Variants in NTN1 observed in about 807,000 individuals in gnomAD.
The protein encoded by NTN1 is netrin-1.
Under a neutral mutation model 54.2 loss-of-function variants are expected in NTN1, and 11 were observed. The observed-to-expected ratio is 0.20, with a 90% CI of 0.13 to 0.34. The LOEUF (loss-of-function observed/expected upper bound fraction) is 0.34, where lower values mean the gene tolerates loss of function less well. NTN1 is among the 10% of genes least tolerant of loss of function. The pLI is 1.00. For synonymous variants in NTN1, 371 were observed against 382.0 expected (o/e 0.97, Z 0.33); for missense variants, 740 against 893.1 (o/e 0.83, Z 2.18).
At chr17:9,051,042 G>A (rs1157065035) in intron 2 of NTN1, among the ~76,000 whole-genome samples, 5 of 152,166 alleles carry the variant, frequency 3.3e-5, no homozygotes, top group Non-Finnish European at 7.3e-5. Flanking sequence ...TGTGTCCTGG[G>A]AGAGAGAGGA....
intron 2 of NTN1, among the ~76,000 whole-genome samples, chr17:9,094,436 C>T (rs2092123405): frequency 6.6e-6 from 1 of 151,952 alleles, no homozygotes; most frequent in African/African-American, 2.4e-5. Flanking sequence ...TATGTACACA[C>T]ACACATATAT....
Position 9,166,188 on chromosome 17 carries a change from ACCACCACCACCACCACCACCAGCACCT to A in NTN1, c.1207+3190_1207+3216del, listed in dbSNP as rs1215659922. ...CACCACCACCACCACCACCACCACC[ACCACCACCACCACCACCACCAGCACCT>A]CCTGCCTTGTATTCCCAGGGCCAGA... On this transcript the variant is annotated intron_variant, in intron 3 of 6. Coordinates refer to ENST00000173229, the MANE Select transcript of NTN1 (RefSeq NM_004822.3). Among the ~76,000 whole-genome samples the A allele has an allele frequency of 4.3e-3, 291 of 67,608 alleles. 2 individuals are homozygous for A. Among genetic ancestry groups the A allele is most frequent in the Middle Eastern group, 0.026 (4 of 152 alleles). The allele number at this position is 67,608 out of a possible 152,430, so 44.4% of individuals were successfully genotyped here. A position where few individuals can be genotyped will look rare whatever the true frequency, so the allele number is the denominator to read the frequency against.
chr17:9,110,562 C>T (rs1345057037), intron 2 of NTN1, among the ~76,000 whole-genome samples: 5 of 151,716 alleles, frequency 3.3e-5, no homozygotes, highest in Non-Finnish European at 7.4e-5. Flanking sequence ...CCTGAGCCAC[C>T]GCACCCAGCC....
chr17:9,235,147 T>C (rs1040661053), intron 6 of NTN1, among the ~76,000 whole-genome samples: 5 of 152,022 alleles, frequency 3.3e-5, no homozygotes, highest in African/African-American at 1.2e-4. Flanking sequence ...GTATTTGTAG[T>C]AGAGACAGGG....
chr17:9,026,868 C>T (rs1182320246), intron 2 of NTN1, among the ~76,000 whole-genome samples: 14 of 152,028 alleles, frequency 9.2e-5, no homozygotes, highest in African/African-American at 9.7e-5. Flanking sequence ...ACTTGTTTTG[C>T]GACTCACTCT....
chr17:9,225,370 C>A (rs992710104), intron 6 of NTN1, among the ~76,000 whole-genome samples: 1 of 152,150 alleles, frequency 6.6e-6, no homozygotes, highest in Non-Finnish European at 1.5e-5. Context: ...CGGGCCTCTG[C>A]GGAGGGCTCA....
In NTN1 at chr17:9,135,574, C is replaced by T. The variant is rs78061121; in HGVS notation, c.1019-27239C>T. 2.6e-5 allele frequency among the ~76,000 whole-genome samples: 4 copies of T among 152,302 alleles called. No individual in the cohort carries two copies. The highest frequency in any genetic ancestry group is 1.3e-4 in the Admixed American group (2 of 15,302). ...GGCTGAGATCCACGCTTCTTGGAGCCCATTGGCTTCCCCTTGAATTGTCAC... is the reference window on the plus strand; with the variant it reads ...GGCTGAGATCCACGCTTCTTGGAGCTCATTGGCTTCCCCTTGAATTGTCAC... On this transcript the variant is annotated intron_variant, in intron 2 of 6. Coordinates refer to ENST00000173229, the MANE Select transcript of NTN1 (RefSeq NM_004822.3). The surrounding 1 kb of genome is among the most constrained non-coding windows in gnomAD (Gnocchi z 4.4).
chr17:9,153,769 G>T (rs2092334406), intron 2 of NTN1, among the ~76,000 whole-genome samples: 1 of 152,190 alleles, frequency 6.6e-6, no homozygotes, highest in Admixed American at 6.5e-5. Flanking sequence ...CTGTTTTGGT[G>T]TCCTTGTGGC....
At chr17:9,020,477 G>A (rs1042017814), upstream of NTN1, among the ~76,000 whole-genome samples, 2 of 152,236 alleles carry the variant, frequency 1.3e-5, no homozygotes, top group African/African-American at 2.4e-5. Context: ...ATTCGGCAAG[G>A]TTATGCATTT....
chr17:9,121,320 T>A (rs918792049), intron 2 of NTN1, among the ~76,000 whole-genome samples: 1 of 152,066 alleles, frequency 6.6e-6, no homozygotes, highest in African/African-American at 2.4e-5. Context: ...CCGCTCCCTC[T>A]CCTTGATGTG....
At chr17:9,169,395 A>G (rs2092381002) in intron 3 of NTN1, among the ~76,000 whole-genome samples, 1 of 152,218 alleles carries the variant, frequency 6.6e-6, no homozygotes, top group East Asian at 1.9e-4. Flanking sequence ...TTACAGATGA[A>G]AAGAGTCCCT....
chr17:9,116,728 G>A (rs2092214039), intron 2 of NTN1, among the ~76,000 whole-genome samples: 1 of 152,142 alleles, frequency 6.6e-6, no homozygotes, highest in South Asian at 2.1e-4. Context: ...TGTGTTGCTT[G>A]GGGACTGACT....
rs1220013934 is a variant in NTN1, at chr17:9,221,899, CAGG to C, written c.1486+664_1486+666del. Among the ~76,000 whole-genome samples the C allele has an allele frequency of 6.6e-6, 1 of 152,162 alleles. No homozygotes were observed. The highest frequency in any genetic ancestry group is 2.4e-5 in the African/African-American group (1 of 41,446). On this transcript the variant is annotated intron_variant, in intron 6 of 6. Transcript: ENST00000173229. This position sits in a 1 kb window ranked among gnomAD's most constrained non-coding sequence, Gnocchi z 4.5. ...AGAGTGGAGATGGTCTGGGAGCCTG[CAGG>C]AGGAGGGCCCCGCAGTGGCCAGCGG...
At chr17:9,171,325 G>A (rs895552708) in intron 3 of NTN1, 2 of 152,260 alleles carry the variant, frequency 1.3e-5, no homozygotes, top group African/African-American at 4.8e-5. Context: ...TCCTCCAGAT[G>A]TGCAGGGGCA....
rs548998718 is a variant in NTN1, at chr17:9,047,361, A to G, written c.1018+23970A>G. On this transcript the variant is annotated intron_variant, in intron 2 of 6. Coordinates refer to ENST00000173229, the MANE Select transcript of NTN1 (RefSeq NM_004822.3). Reference sequence around the variant, plus strand: ...CTCAAACCCTGCTGCTGCTATATCAAATAAGTTGATGGAATATTCTAAAAC... The same window carrying G: ...CTCAAACCCTGCTGCTGCTATATCAGATAAGTTGATGGAATATTCTAAAAC... Among the ~76,000 whole-genome samples the G allele has an allele frequency of 2.6e-5, 4 of 152,346 alleles. No individual in the cohort carries two copies. The East Asian group carries it at 5.8e-4, about 22-fold the overall frequency.
intron 5 of NTN1, among the ~76,000 whole-genome samples, chr17:9,189,508 C>A (rs547894239): frequency 1.3e-5 from 2 of 152,080 alleles, no homozygotes; most frequent in Admixed American, 1.3e-4. Flanking sequence ...CGTGCCACTA[C>A]GCCTGGCTAA....
intron 5 of NTN1, among the ~76,000 whole-genome samples, chr17:9,201,388 A>G (rs918147063): frequency 3.3e-5 from 5 of 152,206 alleles, no homozygotes; most frequent in East Asian, 1.9e-4. Context: ...GAGGAAGAGC[A>G]TGGAGTGGGT....
At chr17:9,119,884 G>A (rs949246449) in intron 2 of NTN1, among the ~76,000 whole-genome samples, 3 of 152,124 alleles carry the variant, frequency 2.0e-5, no homozygotes, top group Non-Finnish European at 2.9e-5. Context: ...GGCTAATGAT[G>A]TTGAGCATCT....
At position 9,097,600 on chromosome 17, in the gene NTN1, G is replaced by A. The variant is rs140598570; in HGVS notation, c.1019-65213G>A. On this transcript the variant is annotated intron_variant, in intron 2 of 6. Coordinates refer to ENST00000173229, the MANE Select transcript of NTN1 (RefSeq NM_004822.3). Reference sequence around the variant, plus strand: ...AGATCATGCCACTGTACTCTAGCCTGGGCAACAGAGCGAGACTGCCTCAAA... The same window carrying A: ...AGATCATGCCACTGTACTCTAGCCTAGGCAACAGAGCGAGACTGCCTCAAA... Among the ~76,000 whole-genome samples the A allele has an allele frequency of 7.6e-4, 116 of 152,058 alleles. 2 individuals carry two copies. In the Middle Eastern group the frequency reaches 0.014, roughly 18 times the overall value.
Sources: gnomAD v4.1 joint callset for allele counts (sites outside exome capture counted in the v4.1 genomes callset) on GRCh38, gnomAD v4.1.1 for gene constraint, Gnocchi (gnomAD v3.1) non-coding constraint, MANE v1.5 for transcripts, NCBI Gene and HGNC (gene_info 2026-07-23, HGNC 2026-07-21) for gene names.